Variants in MGMT observed in about 807,000 individuals in gnomAD.
The protein encoded by MGMT is O-6-methylguanine-DNA methyltransferase.
In MGMT, 14 loss-of-function variants were observed where a neutral mutation model predicts 15.9. The ratio of observed to expected loss-of-function variants is 0.88; its 90% confidence interval spans 0.58 to 1.37. The LOEUF (loss-of-function observed/expected upper bound fraction) is 1.37, where lower values mean the gene tolerates loss of function less well. Ranked by LOEUF, MGMT falls within the 40% of genes most tolerant of loss-of-function variation. MGMT has a pLI of 0.00. For missense variants in MGMT, 282 were observed against 268.1 expected, an observed-to-expected ratio of 1.05 and a Z score of -0.36; for synonymous variants, 130 against 118.2, an observed-to-expected ratio of 1.10 and a Z score of -0.65.
chr10:129,692,437 A>G (rs946205440), intron 2 of MGMT, among the ~76,000 whole-genome samples: 9 of 152,220 alleles, frequency 5.9e-5, no homozygotes, highest in African/African-American at 2.2e-4. Flanking sequence ...ATAGCTATTC[A>G]GCTCCGTTGC....
At position 129,737,809 on chromosome 10, in the gene MGMT, G is replaced by T. The variant is rs369891786; in HGVS notation, c.275-21393G>T. Among the ~76,000 whole-genome samples the T allele has an allele frequency of 1.2e-3, 176 of 152,182 alleles. 4 individuals carry two copies. The South Asian group carries it at 0.029, about 25-fold the overall frequency. On this transcript the variant is annotated intron_variant, in intron 3 of 4. Transcript: ENST00000651593. Reference sequence around the variant, plus strand: ...CAGCTGCAGGTCTGTTGGAGTACCCGGCCGTGTGAGGTGTCAGTCTGGCCC... The same window carrying T: ...CAGCTGCAGGTCTGTTGGAGTACCCTGCCGTGTGAGGTGTCAGTCTGGCCC...
chr10:129,523,683 C>T (rs984795385), intron 1 of MGMT, among the ~76,000 whole-genome samples: 2 of 145,332 alleles, frequency 1.4e-5, no homozygotes, highest in Non-Finnish European at 3.0e-5. Flanking sequence ...AATGCATTCC[C>T]GTTGTCTAGA....
chr10:129,664,269 A>G (rs1847632256), intron 2 of MGMT, among the ~76,000 whole-genome samples: 1 of 152,246 alleles, frequency 6.6e-6, no homozygotes, highest in South Asian at 2.1e-4. Context: ...CATGTACTCA[A>G]TTGTAGGGGG....
intron 2 of MGMT, among the ~76,000 whole-genome samples, chr10:129,606,237 T>G (rs537623023): frequency 6.6e-6 from 1 of 152,328 alleles, no homozygotes; most frequent in African/African-American, 2.4e-5. Context: ...AGGAGGGCAC[T>G]TGAAATGCTG....
chr10:129,521,016 C>T (rs1369549119), intron 1 of MGMT, among the ~76,000 whole-genome samples: 2 of 152,132 alleles, frequency 1.3e-5, no homozygotes, highest in South Asian at 2.1e-4. Context: ...CCCTACGGCA[C>T]GCAGGCTTGC....
At chr10:129,510,585 T>A (rs942393901) in intron 1 of MGMT, among the ~76,000 whole-genome samples, 4 of 152,220 alleles carry the variant, frequency 2.6e-5, no homozygotes, top group African/African-American at 9.6e-5. Context: ...GTTTAGTAAT[T>A]TCATTGATCT....
intron 2 of MGMT, among the ~76,000 whole-genome samples, chr10:129,584,331 G>A (rs867961460): frequency 1.3e-5 from 2 of 152,138 alleles, no homozygotes; most frequent in South Asian, 2.1e-4. Context: ...GTCCATGGGG[G>A]CCTGACAGGT....
chr10:129,536,393 C>T lies in MGMT; in HGVS notation c.125+16C>T, dbSNP rs530759412. On this transcript the variant is annotated intron_variant, in intron 2 of 4. Transcript: ENST00000651593. The stretch of plus-strand genomic sequence containing the variant: ...CTGCAGCTGAGTAAGTATGAGCCCA[C>T]GTGATCCTGTATACCGCACATGCTG... 35 of 1,608,378 alleles carry T rather than the reference C, an allele frequency of 2.2e-5. No homozygotes were observed. Among genetic ancestry groups the T allele is most frequent in the East Asian group, 8.9e-5 (4 of 44,852 alleles).
chr10:129,663,842 G>T (rs1201341324), intron 2 of MGMT, among the ~76,000 whole-genome samples: 1 of 152,128 alleles, frequency 6.6e-6, no homozygotes, highest in Non-Finnish European at 1.5e-5. Context: ...CACAAAATGG[G>T]TCTGAGCCCA....
chr10:129,703,840 T>G (rs979376227), intron 2 of MGMT, among the ~76,000 whole-genome samples: 24 of 152,076 alleles, frequency 1.6e-4, no homozygotes, highest in Non-Finnish European at 1.5e-4. Flanking sequence ...TCAGCTGAGC[T>G]CTTGCTGCAG....
intron 2 of MGMT, among the ~76,000 whole-genome samples, chr10:129,651,643 G>A (rs1162186561): frequency 1.1e-4 from 17 of 152,098 alleles, no homozygotes; most frequent in Non-Finnish European, 4.4e-5. Context: ...GAGGGGAAAA[G>A]TGTCGCCTAT....
intron 1 of MGMT, among the ~76,000 whole-genome samples, chr10:129,522,486 C>T (rs1845824863): frequency 6.6e-6 from 1 of 152,204 alleles, no homozygotes; most frequent in African/African-American, 2.4e-5. Flanking sequence ...TGCTCTTTGT[C>T]CGTAGGATCT....
chr10:129,734,062 C>T (rs888896414), intron 3 of MGMT, among the ~76,000 whole-genome samples: 19 of 151,466 alleles, frequency 1.3e-4, no homozygotes, highest in Admixed American at 6.0e-4. Context: ...TGGTTCCATA[C>T]GAACTTTAAA....
chr10:129,498,870 C>T (rs1350033671), intron 1 of MGMT, among the ~76,000 whole-genome samples: 1 of 152,154 alleles, frequency 6.6e-6, no homozygotes, highest in Non-Finnish European at 1.5e-5. Context: ...CTGCCCTTCT[C>T]AGTAGGGGGA....
intron 2 of MGMT, among the ~76,000 whole-genome samples, chr10:129,677,271 A>G (rs748742010): frequency 1.3e-5 from 2 of 151,892 alleles, no homozygotes; most frequent in Admixed American, 6.5e-5. Flanking sequence ...TATATTATTT[A>G]TAAGCATTTT....
chr10:129,751,316 T>A (rs982995754), intron 3 of MGMT, among the ~76,000 whole-genome samples: 1 of 152,016 alleles, frequency 6.6e-6, no homozygotes, highest in Non-Finnish European at 1.5e-5. Flanking sequence ...AGTACACAGT[T>A]ATTTGTAGGA....
At chr10:129,690,431 T>C (rs1847956449) in intron 2 of MGMT, among the ~76,000 whole-genome samples, 1 of 152,238 alleles carries the variant, frequency 6.6e-6, no homozygotes, top group Non-Finnish European at 1.5e-5. Context: ...GGCATGAGTA[T>C]GTACAAAAGG....
Position 129,769,880 on chromosome 10 carries a change from A to T in MGMT, c.*2883A>T, listed in dbSNP as rs1848981992. On this transcript the variant is annotated 3_prime_UTR_variant, in exon 5 of 5. Coordinates refer to ENST00000651593, the MANE Select transcript of MGMT (RefSeq NM_002412.5). ...TCAGGAAGCTTGGAGGAGCTCTTGC[A>T]TGAGGAATTGCAGAACTTAGGGGCA... Among the ~76,000 whole-genome samples, 2 of 152,214 alleles carry T rather than the reference A, an allele frequency of 1.3e-5. No individual in the cohort carries two copies. The highest frequency in any genetic ancestry group is 6.5e-5 in the Admixed American group (1 of 15,274).
chr10:129,753,243 G>A (rs1237020224), intron 3 of MGMT, among the ~76,000 whole-genome samples: 1 of 152,080 alleles, frequency 6.6e-6, no homozygotes, highest in African/African-American at 2.4e-5. Flanking sequence ...GTTTCTAGTG[G>A]CTTTCAAGAC....
Sources: gnomAD v4.1 joint callset for allele counts (sites outside exome capture counted in the v4.1 genomes callset) on GRCh38, gnomAD v4.1.1 for gene constraint, MANE v1.5 for transcripts, NCBI Gene and HGNC (gene_info 2026-07-23, HGNC 2026-07-21) for gene names.